Variants in PRDM5 observed in about 807,000 individuals in gnomAD.
PRDM5 encodes PR/SET domain 5, also known as PR domain zinc finger protein 5.
A neutral mutation model predicts 81.2 loss-of-function variants in PRDM5; 56 were observed. The observed-to-expected ratio is 0.69, with a 90% CI of 0.56 to 0.86. The LOEUF (loss-of-function observed/expected upper bound fraction) is 0.86. Ranked by LOEUF, PRDM5 falls within the 40% of genes least tolerant of loss-of-function variation. PRDM5 has a pLI of 0.00. For missense variants in PRDM5, 697 were observed against 770.1 expected (o/e 0.91, Z 1.12); for synonymous variants, 267 against 256.4 (o/e 1.04, Z -0.39).
intron 13 of PRDM5, among the ~76,000 whole-genome samples, chr4:120,764,099 A>G (rs963139007): frequency 6.6e-6 from 1 of 152,172 alleles, no homozygotes; most frequent in Non-Finnish European, 1.5e-5. Flanking sequence ...CAAAGGAAAA[A>G]TGTTGGTGAT....
chr4:120,889,325 C>T (rs112167135), intron 2 of PRDM5, among the ~76,000 whole-genome samples: 2 of 152,156 alleles, frequency 1.3e-5, no homozygotes, highest in East Asian at 1.9e-4. Flanking sequence ...AAATGACATA[C>T]TTTTCCCACT....
At chr4:120,720,134 G>C (rs757877021) in intron 14 of PRDM5, among the ~76,000 whole-genome samples, 1 of 152,122 alleles carries the variant, frequency 6.6e-6, no homozygotes, top group Non-Finnish European at 1.5e-5. Context: ...GGAGTAAAGG[G>C]CTTCTTGTAC....
intron 3 of PRDM5, among the ~76,000 whole-genome samples, chr4:120,824,560 C>T (rs1473982914): frequency 6.6e-6 from 1 of 152,150 alleles, no homozygotes; most frequent in African/African-American, 2.4e-5. Flanking sequence ...TTGAATACAA[C>T]ATATTTATAG....
In PRDM5 at chr4:120,774,902, A is replaced by ATATGTATGTATATG. The variant is rs1553963977; in HGVS notation, c.1537+2285_1537+2286insCATATACATACATA. On this transcript the variant is annotated intron_variant, in intron 13 of 15. Coordinates refer to ENST00000264808, the MANE Select transcript of PRDM5 (RefSeq NM_018699.4). ...TCTCTCTCTTTCTATATATATATAT[A>ATATGTATGTATATG]TATATGTATATGTATATGTATATAT... 7.5e-4 allele frequency among the ~76,000 whole-genome samples: 109 copies of ATATGTATGTATATG among 146,052 alleles called. 1 individual carries two copies. The highest frequency in any genetic ancestry group is 1.1e-3 in the Non-Finnish European group (74 of 66,866).
At chr4:120,878,932 C>A (rs1762581079) in intron 2 of PRDM5, among the ~76,000 whole-genome samples, 1 of 152,178 alleles carries the variant, frequency 6.6e-6, no homozygotes. Context: ...TCATTCACTG[C>A]TGAGTGGAAT....
At chr4:120,815,942 C>T (rs1301064791) in intron 7 of PRDM5, 1 of 184,014 alleles carries the variant, frequency 5.4e-6, no homozygotes, top group Non-Finnish European at 1.1e-5. Context: ...GTTTAGCTAG[C>T]TATCAGATGG....
At chr4:120,818,296 G>T in intron 5 of PRDM5, 57 bp downstream of exon 5, 4 of 1,554,720 alleles carry the variant, frequency 2.6e-6, no homozygotes, top group Non-Finnish European at 3.5e-6. Flanking sequence ...GAGTTAAGCT[G>T]AATGGAATAA....
chr4:120,771,278 A>T (rs746538667), intron 13 of PRDM5, among the ~76,000 whole-genome samples: 1 of 152,180 alleles, frequency 6.6e-6, no homozygotes, highest in Non-Finnish European at 1.5e-5. Flanking sequence ...CTAATAAATA[A>T]GGCAGTGTAA....
chr4:120,841,710 C>T (rs1001175302), intron 3 of PRDM5, among the ~76,000 whole-genome samples: 1 of 152,126 alleles, frequency 6.6e-6, no homozygotes, highest in East Asian at 1.9e-4. Flanking sequence ...TTCAAAAATA[C>T]ACACCACACA....
chr4:120,751,646 T>C (rs1455262742), intron 14 of PRDM5, among the ~76,000 whole-genome samples: 5 of 152,040 alleles, frequency 3.3e-5, no homozygotes, highest in Non-Finnish European at 7.4e-5. Flanking sequence ...CTGAAGGAAA[T>C]AAAATCCACC....
intron 3 of PRDM5, among the ~76,000 whole-genome samples, chr4:120,848,504 A>C (rs1758904649): frequency 6.6e-6 from 1 of 152,170 alleles, no homozygotes; most frequent in African/African-American, 2.4e-5. Context: ...TTATCTGACA[A>C]AGGAAGATGA....
intron 14 of PRDM5, among the ~76,000 whole-genome samples, chr4:120,753,939 T>C (rs751051574): frequency 1.3e-5 from 2 of 152,184 alleles, no homozygotes; most frequent in Non-Finnish European, 2.9e-5. Context: ...TTACATTTTT[T>C]TAAAAGCATG....
At chr4:120,794,139 C>T (rs1751000135) in intron 10 of PRDM5, among the ~76,000 whole-genome samples, 1 of 152,072 alleles carries the variant, frequency 6.6e-6, no homozygotes, top group Non-Finnish European at 1.5e-5. Context: ...TGTGAACGTG[C>T]TTCTAGCATA....
intron 2 of PRDM5, among the ~76,000 whole-genome samples, chr4:120,886,628 G>A (rs903418556): frequency 3.9e-5 from 6 of 151,994 alleles, no homozygotes; most frequent in Admixed American, 6.5e-5. Flanking sequence ...TTTTAAGAAC[G>A]CCAATGGTAA....
chr4:120,749,896 A>T (rs1195940204), intron 14 of PRDM5, among the ~76,000 whole-genome samples: 2 of 152,120 alleles, frequency 1.3e-5, no homozygotes, highest in East Asian at 3.9e-4. Flanking sequence ...CTCATGCCCC[A>T]AACCTTCTAC....
intron 2 of PRDM5, among the ~76,000 whole-genome samples, chr4:120,884,117 C>T (rs56403890): frequency 0.011 from 1,737 of 152,098 alleles, 24 homozygotes; most frequent in African/African-American, 0.035. Flanking sequence ...ATTACTACTG[C>T]ATATATTGAA....
chr4:120,740,158 A>C (rs978245195), intron 14 of PRDM5, among the ~76,000 whole-genome samples: 1 of 152,220 alleles, frequency 6.6e-6, no homozygotes, highest in Non-Finnish European at 1.5e-5. Context: ...AAATTCCCCA[A>C]GAAATATATG....
At chr4:120,910,754 A>G (rs1259067966) in intron 1 of PRDM5, among the ~76,000 whole-genome samples, 1 of 152,226 alleles carries the variant, frequency 6.6e-6, no homozygotes, top group Non-Finnish European at 1.5e-5. Context: ...TAAATGAAGT[A>G]TATACATGTG....
intron 4 of PRDM5, among the ~76,000 whole-genome samples, chr4:120,819,056 AT>A (rs1334034660): frequency 1.3e-5 from 2 of 152,222 alleles, no homozygotes; most frequent in Non-Finnish European, 2.9e-5. Flanking sequence ...TGCTATTTAA[AT>A]TACACATTTG....
Sources: gnomAD v4.1 joint callset for allele counts (sites outside exome capture counted in the v4.1 genomes callset) on GRCh38, gnomAD v4.1.1 for gene constraint, MANE v1.5 for transcripts, NCBI Gene and HGNC (gene_info 2026-07-23, HGNC 2026-07-21) for gene names.